Variants in LRRTM4 observed in about 807,000 individuals in gnomAD.
LRRTM4 encodes the protein leucine-rich repeat transmembrane neuronal protein 4.
A neutral mutation model predicts 47.6 loss-of-function variants in LRRTM4; 25 were observed. The ratio of observed to expected loss-of-function variants is 0.53; its 90% CI spans 0.38 to 0.73. The LOEUF (loss-of-function observed/expected upper bound fraction) is 0.73. Among genes scored for constraint, LRRTM4 ranks in the 30% least tolerant of loss-of-function variants. The pLI is 0.00. For missense variants in LRRTM4, 638 were observed against 713.4 expected (o/e 0.89, Z 1.20); for synonymous variants, 311 against 269.5 (o/e 1.15, Z -1.51).
chr2:76,934,726 G>C (rs949680941), intron 3 of LRRTM4, among the ~76,000 whole-genome samples: 1 of 152,106 alleles, frequency 6.6e-6, no homozygotes, highest in Non-Finnish European at 1.5e-5. Context: ...ACTCCCATTG[G>C]AAAACATAGA....
At chr2:77,186,669 G>A (rs1048567745) in intron 3 of LRRTM4, among the ~76,000 whole-genome samples, 6 of 152,098 alleles carry the variant, frequency 3.9e-5, no homozygotes, top group Admixed American at 2.0e-4. Flanking sequence ...GGATGAAAAC[G>A]TATTGGCATG....
intron 3 of LRRTM4, among the ~76,000 whole-genome samples, chr2:76,795,967 G>T (rs551664955): frequency 1.8e-4 from 27 of 148,228 alleles, no homozygotes; most frequent in African/African-American, 6.6e-4. Context: ...CGCACCATGT[G>T]CGAGCCGAAG....
At position 77,455,694 on chromosome 2, in the gene LRRTM4, C is replaced by A. The variant is rs77272051; in HGVS notation, c.1551+62624G>T. Among the ~76,000 whole-genome samples the A allele has an allele frequency of 1.0e-2, 1,518 of 152,220 alleles. 17 individuals are homozygous for A. Among genetic ancestry groups the A allele is most frequent in the African/African-American group, 0.033 (1,380 of 41,532 alleles). On this transcript the variant is annotated intron_variant, in intron 3 of 3. Transcript: ENST00000409884. ...ACTACTTGGCTGTGCATTCTGTCCT[C>A]ATCCTTCATCTGTCCAACACCCTGC... is the stretch of plus-strand genomic sequence containing the variant.
At chr2:76,790,301 T>G (rs1674905607) in intron 3 of LRRTM4, among the ~76,000 whole-genome samples, 1 of 152,140 alleles carries the variant, frequency 6.6e-6, no homozygotes, top group Admixed American at 6.5e-5. Flanking sequence ...CTTCATGGAT[T>G]GCCTCTATTT....
At chr2:76,784,483 G>C (rs1674568361) in intron 3 of LRRTM4, among the ~76,000 whole-genome samples, 1 of 151,994 alleles carries the variant, frequency 6.6e-6, no homozygotes, top group African/African-American at 2.4e-5. Context: ...ATAGATATAT[G>C]AATGCTGTGT....
chr2:76,781,762 A>T (rs1051887186), intron 3 of LRRTM4, among the ~76,000 whole-genome samples: 1 of 151,606 alleles, frequency 6.6e-6, no homozygotes, highest in Non-Finnish European at 1.5e-5. Flanking sequence ...TCCTATTCTC[A>T]TTTCTCTTAT....
intron 3 of LRRTM4, among the ~76,000 whole-genome samples, chr2:77,041,851 C>T (rs916802867): frequency 6.7e-6 from 1 of 149,856 alleles, no homozygotes; most frequent in African/African-American, 2.4e-5. Context: ...ATGACTTTTG[C>T]ACTGACCTAA....
At chr2:77,020,448 A>G (rs193300128) in intron 3 of LRRTM4, among the ~76,000 whole-genome samples, 3 of 152,260 alleles carry the variant, frequency 2.0e-5, no homozygotes, top group Non-Finnish European at 4.4e-5. Flanking sequence ...GGAGGTACCT[A>G]GCAGATCCCA....
At chr2:76,868,335 T>C (rs1180348839) in intron 3 of LRRTM4, among the ~76,000 whole-genome samples, 1 of 152,230 alleles carries the variant, frequency 6.6e-6, no homozygotes, top group Non-Finnish European at 1.5e-5. Context: ...ATCACATTTA[T>C]TAAAATTTTA....
intron 3 of LRRTM4, among the ~76,000 whole-genome samples, chr2:77,403,088 A>C (rs1674025707): frequency 6.6e-6 from 1 of 151,976 alleles, no homozygotes; most frequent in Non-Finnish European, 1.5e-5. Context: ...TCTGAAATAC[A>C]AACCTAATTA....
At chr2:76,953,549 T>G (rs1675567477) in intron 3 of LRRTM4, among the ~76,000 whole-genome samples, 1 of 151,858 alleles carries the variant, frequency 6.6e-6, no homozygotes, top group African/African-American at 2.4e-5. Context: ...TCATCATTTT[T>G]GGGAAGCTGC....
At chr2:77,413,884 A>G (rs2103865464) in intron 3 of LRRTM4, among the ~76,000 whole-genome samples, 1 of 152,162 alleles carries the variant, frequency 6.6e-6, no homozygotes, top group Non-Finnish European at 1.5e-5. Flanking sequence ...CCATATATCC[A>G]TATGTTAAGG....
intron 3 of LRRTM4, among the ~76,000 whole-genome samples, chr2:77,328,001 C>T (rs1049174596): frequency 6.6e-6 from 1 of 152,006 alleles, no homozygotes; most frequent in African/African-American, 2.4e-5. Context: ...AAGGGTCCTT[C>T]GTGGATTTGT....
chr2:76,913,543 A>ATTTTTTTTTTTTTTTTTTTTTTTTTTTTT (rs58615415), intron 3 of LRRTM4, among the ~76,000 whole-genome samples: 3 of 121,488 alleles, frequency 2.5e-5, no homozygotes, highest in Admixed American at 9.6e-5. Flanking sequence ...TCCTATTTCA[A>ATTTTTTTTTTTTTTTTTTTTTTTTTTTTT]TTTTTTTTTT....
At chr2:76,809,309 G>C (rs545714969) in intron 3 of LRRTM4, among the ~76,000 whole-genome samples, 1 of 151,974 alleles carries the variant, frequency 6.6e-6, no homozygotes, top group Non-Finnish European at 1.5e-5. Flanking sequence ...TTTTTATTCA[G>C]TATTTTTCTA....
intron 3 of LRRTM4, among the ~76,000 whole-genome samples, chr2:76,897,955 T>C (rs1160164825): frequency 6.6e-6 from 1 of 152,162 alleles, no homozygotes; most frequent in Non-Finnish European, 1.5e-5. Flanking sequence ...GGAAACGCTT[T>C]ACATGAAAAA....
intron 3 of LRRTM4, among the ~76,000 whole-genome samples, chr2:76,937,637 C>T (rs545981833): frequency 2.0e-5 from 3 of 152,108 alleles, no homozygotes; most frequent in African/African-American, 7.2e-5. Context: ...GGTGCGATCC[C>T]GACTCACTGC....
At chr2:76,757,434 A>T (rs1398791344) in intron 3 of LRRTM4, among the ~76,000 whole-genome samples, 5 of 152,138 alleles carry the variant, frequency 3.3e-5, no homozygotes. Flanking sequence ...AAGTTAATGA[A>T]TGAGGTACTA....
intron 3 of LRRTM4, among the ~76,000 whole-genome samples, chr2:76,846,529 TCTAG>T (rs942696631): frequency 2.6e-5 from 4 of 152,150 alleles, no homozygotes; most frequent in African/African-American, 7.2e-5. Flanking sequence ...CCAAGTATCA[TCTAG>T]CTATCTATCT....
Sources: gnomAD v4.1 joint callset for allele counts (sites outside exome capture counted in the v4.1 genomes callset) on GRCh38, gnomAD v4.1.1 for gene constraint, MANE v1.5 for transcripts, NCBI Gene and HGNC (gene_info 2026-07-23, HGNC 2026-07-21) for gene names.